The following ADD3 variants were observed in gnomAD, a reference collection of about 807,000 sequenced individuals.
ADD3 encodes adducin 3, also known as gamma-adducin.
In ADD3, 25 loss-of-function variants were observed where a neutral mutation model predicts 80.2. That is an observed-to-expected ratio of 0.31 (90% confidence interval 0.23 to 0.44). The LOEUF is 0.44. Among genes scored for constraint, ADD3 ranks in the 20% least tolerant of loss-of-function variants. The pLI, the probability that ADD3 is intolerant of heterozygous loss-of-function variation, is 1.00. For missense variants in ADD3, 829 were observed against 847.5 expected (o/e 0.98, Z 0.27); for synonymous variants, 284 against 289.6 (o/e 0.98, Z 0.20).
intron 4 of ADD3, among the ~76,000 whole-genome samples, 181 bp downstream of exon 4, chr10:110,116,591 T>G (rs1335359729): frequency 2.0e-5 from 3 of 152,198 alleles, no homozygotes; most frequent in Non-Finnish European, 4.4e-5. Context: ...TTCCCCCACC[T>G]TTCTTCTCCC....
At chr10:110,119,960 G>A (rs373694438) in intron 8 of ADD3, among the ~76,000 whole-genome samples, 1 of 152,176 alleles carries the variant, frequency 6.6e-6, no homozygotes, top group Non-Finnish European at 1.5e-5. Context: ...ATATGAAATT[G>A]CAGTTTTCAA....
intron 4 of ADD3, 27 bp downstream of exon 4, chr10:110,116,437 T>C (rs1406677172): frequency 6.2e-7 from 1 of 1,610,124 alleles, no homozygotes; most frequent in East Asian, 2.2e-5. Context: ...TCAATTCCTT[T>C]TTTAAAAAAT....
chr10:110,127,143 G>GT (rs1462233616), intron 12 of ADD3, among the ~76,000 whole-genome samples: 3 of 151,860 alleles, frequency 2.0e-5, no homozygotes, highest in African/African-American at 7.3e-5. Context: ...TTTGTTTTTT[G>GT]TTTTTTGTTT....
At chr10:110,122,656 C>G (rs1288269146) in intron 9 of ADD3, among the ~76,000 whole-genome samples, 4 of 139,454 alleles carry the variant, frequency 2.9e-5, no homozygotes, top group African/African-American at 1.1e-4. Context: ...TTCTTGGAGG[C>G]AGGATCTTGC....
chr10:110,070,748 G>A (rs954967860), intron 1 of ADD3, among the ~76,000 whole-genome samples: 5 of 152,060 alleles, frequency 3.3e-5, no homozygotes, highest in Admixed American at 2.0e-4. Flanking sequence ...TAAAGATTGG[G>A]GGGTAGGGGT....
chr10:110,107,774 G>A (rs1564991047), intron 2 of ADD3, among the ~76,000 whole-genome samples: 2 of 152,162 alleles, frequency 1.3e-5, no homozygotes, highest in Admixed American at 1.3e-4. Flanking sequence ...ATGCAGTACA[G>A]CACGCAGCAC....
chr10:110,080,967 A>G (rs1009532), intron 1 of ADD3, among the ~76,000 whole-genome samples: 53,880 of 152,130 alleles, frequency 0.35, 14,474 homozygotes, highest in African/African-American at 0.74. Context: ...GGGTAGCATT[A>G]CCTGTTTCAC....
At chr10:109,998,710 C>T (rs1665726457) in intron 1 of ADD3, among the ~76,000 whole-genome samples, 1 of 152,122 alleles carries the variant, frequency 6.6e-6, no homozygotes, top group South Asian at 2.1e-4. Flanking sequence ...TCATACCAAA[C>T]TTGTTCCTGC....
At chr10:110,003,572 C>A (rs926893777), upstream of ADD3, among the ~76,000 whole-genome samples, 2 of 152,118 alleles carry the variant, frequency 1.3e-5, no homozygotes, top group Admixed American at 1.3e-4. Context: ...TATAATCCAC[C>A]GCCACCACCA....
At chr10:110,016,190 G>A (rs1025614474) in intron 1 of ADD3, among the ~76,000 whole-genome samples, 1 of 152,162 alleles carries the variant, frequency 6.6e-6, no homozygotes, top group African/African-American at 2.4e-5. Flanking sequence ...TCAAAGGGAA[G>A]AGTGCCATCT....
chr10:110,061,195 G>C (rs1858843337), intron 1 of ADD3, among the ~76,000 whole-genome samples: 1 of 152,228 alleles, frequency 6.6e-6, no homozygotes, highest in South Asian at 2.1e-4. Flanking sequence ...GTTCCAGATG[G>C]TGAGGCTCAT....
chr10:110,114,194 C>T (rs1161339208), intron 3 of ADD3, among the ~76,000 whole-genome samples: 1 of 152,126 alleles, frequency 6.6e-6, no homozygotes, highest in Non-Finnish European at 1.5e-5. Flanking sequence ...GCCTGAAATA[C>T]TTACGCAGTG....
intron 1 of ADD3, among the ~76,000 whole-genome samples, chr10:110,047,968 G>C (rs1857080203): frequency 2.0e-5 from 3 of 152,124 alleles, no homozygotes; most frequent in African/African-American, 7.2e-5. Flanking sequence ...CCTTTCTCAA[G>C]TGATATGGTG....
rs911402672 is a variant in ADD3, at chr10:110,134,122, T to A, written c.*504T>A. On this transcript the variant is annotated 3_prime_UTR_variant, in exon 15 of 15. Coordinates refer to ENST00000356080, the MANE Select transcript of ADD3 (RefSeq NM_016824.5). ...AGCATTAGTATACACTGGCACATAA[T>A]TTTTTAAAAAGTTTTAAGAAAAGAT... 1 of 152,718 alleles carries A rather than the reference T, an allele frequency of 6.5e-6. No homozygotes were observed. The highest frequency in any genetic ancestry group is 1.5e-5 in the Non-Finnish European group (1 of 67,998). 9.5% of individuals were successfully genotyped at this position (152,718 alleles called of 1,614,324 possible). A position where few individuals can be genotyped will look rare whatever the true frequency, so the allele number is the denominator to read the frequency against.
chr10:110,021,278 C>T (rs1373698836), intron 1 of ADD3, among the ~76,000 whole-genome samples: 1 of 152,142 alleles, frequency 6.6e-6, no homozygotes, highest in Non-Finnish European at 1.5e-5. Context: ...GTTGTTACTG[C>T]CCTTTAAAAA....
At chr10:110,047,293 GTC>G (rs1391950730) in intron 1 of ADD3, among the ~76,000 whole-genome samples, 2 of 152,336 alleles carry the variant, frequency 1.3e-5, no homozygotes, top group South Asian at 2.1e-4. Flanking sequence ...TTTAGCAACA[GTC>G]TGAGTAATAT....
chr10:110,013,369 C>T (rs568539382), intron 1 of ADD3, among the ~76,000 whole-genome samples: 12 of 152,188 alleles, frequency 7.9e-5, no homozygotes, highest in Non-Finnish European at 1.0e-4. Flanking sequence ...ACCCAAAGTG[C>T]TGGGGTTACA....
At chr10:110,012,653 C>G (rs1852462444) in intron 1 of ADD3, among the ~76,000 whole-genome samples, 1 of 152,076 alleles carries the variant, frequency 6.6e-6, no homozygotes, top group Non-Finnish European at 1.5e-5. Context: ...GCTTACTGTT[C>G]TTGTAAGTTT....
rs1554926976 is a variant in ADD3 at position 110,063,750 on chromosome 10, T to TATATATA, written c.-29-36874_-29-36868dup. Among the ~76,000 whole-genome samples the TATATATA allele has an allele frequency of 4.3e-3, 198 of 45,810 alleles. 3 individuals are homozygous for TATATATA. The highest frequency in any genetic ancestry group is 0.013 in the African/African-American group (172 of 12,966). 30.1% of individuals were successfully genotyped at this position (45,810 alleles called of 152,430 possible). A position where few individuals can be genotyped will look rare whatever the true frequency, so the allele number is the denominator to read the frequency against. ...TATATATATTCATTATATATATATATATATATATATATATATATATATATA... is the reference window on the plus strand; with the variant it reads ...TATATATATTCATTATATATATATATATATATAATATATATATATATATATATATATA... On this transcript the variant is annotated intron_variant, in intron 1 of 14. Coordinates refer to ENST00000356080, the MANE Select transcript of ADD3 (RefSeq NM_016824.5).
Sources: gnomAD v4.1 joint callset for allele counts (sites outside exome capture counted in the v4.1 genomes callset) on GRCh38, gnomAD v4.1.1 for gene constraint, MANE v1.5 for transcripts, NCBI Gene and HGNC (gene_info 2026-07-23, HGNC 2026-07-21) for gene names.